GALNT13: variants seen among roughly 807,000 people sequenced by gnomAD.
The protein encoded by GALNT13 is polypeptide N-acetylgalactosaminyltransferase 13, also known as UDP-GalNAc:polypeptide N-acetylgalactosaminyltransferase 13.
Under a neutral mutation model 64.2 loss-of-function variants are expected in GALNT13, and 28 were observed. The observed-to-expected ratio is 0.44, with a 90% CI of 0.32 to 0.60. GALNT13 has a LOEUF of 0.60. Ranked by LOEUF, GALNT13 falls within the 20% of genes least tolerant of loss-of-function variation. GALNT13 has a pLI of 0.05. For missense variants in GALNT13, 577 were observed against 669.8 expected, an observed-to-expected ratio of 0.86 and a Z score of 1.53; for synonymous variants, 214 against 224.6, an observed-to-expected ratio of 0.95 and a Z score of 0.42.
At chr2:153,593,590 C>T in the GALNT13 span, among the ~76,000 whole-genome samples, 1 of 152,112 alleles carries the variant, frequency 6.6e-6, no homozygotes, top group Non-Finnish European at 1.5e-5. Flanking sequence ...CAAACTTGTT[C>T]ATTTGCCATC....
At chr2:153,138,768 A>G in the GALNT13 span, among the ~76,000 whole-genome samples, 1 of 152,096 alleles carries the variant, frequency 6.6e-6, no homozygotes, top group Non-Finnish European at 1.5e-5. Context: ...CCAAGCACAC[A>G]TTCACACAGC....
the GALNT13 span, among the ~76,000 whole-genome samples, chr2:153,321,362 C>A: frequency 6.6e-6 from 1 of 152,120 alleles, no homozygotes; most frequent in African/African-American, 2.4e-5. Flanking sequence ...GCCTTGACAG[C>A]TTAAGTTCTT....
chr2:153,520,574 A>C, the GALNT13 span, among the ~76,000 whole-genome samples: 1 of 152,170 alleles, frequency 6.6e-6, no homozygotes, highest in East Asian at 1.9e-4. Context: ...AGGAGAACTC[A>C]TCAGAGGTTC....
At chr2:153,318,333 G>A in the GALNT13 span, among the ~76,000 whole-genome samples, 132 of 152,250 alleles carry the variant, frequency 8.7e-4, no homozygotes, top group African/African-American at 3.1e-3. Flanking sequence ...CAATAAAGGT[G>A]TCCCATTCCT....
intron 4 of GALNT13, among the ~76,000 whole-genome samples, chr2:154,145,305 TG>T (rs1403305143): frequency 6.6e-6 from 1 of 151,784 alleles, no homozygotes; most frequent in African/African-American, 2.4e-5. Context: ...TATTAACTAA[TG>T]GCTCAGCATT....
At chr2:153,210,315 A>G in the GALNT13 span, among the ~76,000 whole-genome samples, 1 of 152,176 alleles carries the variant, frequency 6.6e-6, no homozygotes, top group Non-Finnish European at 1.5e-5. Flanking sequence ...AGTAGAGGAA[A>G]TTCCTTTTAG....
chr2:154,014,542 G>T (rs1696864697), intron 3 of GALNT13, among the ~76,000 whole-genome samples: 2 of 149,964 alleles, frequency 1.3e-5, no homozygotes, highest in South Asian at 2.1e-4. Flanking sequence ...CCAGTGCCTG[G>T]CTGTGTCAGG....
chr2:153,622,174 G>A, the GALNT13 span, among the ~76,000 whole-genome samples: 1 of 152,000 alleles, frequency 6.6e-6, no homozygotes, highest in Admixed American at 6.6e-5. Context: ...TGGCATGTTA[G>A]CTATAAATAA....
At chr2:153,756,599 A>G in the GALNT13 span, among the ~76,000 whole-genome samples, 1 of 152,080 alleles carries the variant, frequency 6.6e-6, no homozygotes, top group East Asian at 1.9e-4. Context: ...ACCTTATTTT[A>G]TTTCTACTCA....
chr2:153,966,860 A>T (rs1204433373), intron 3 of GALNT13, among the ~76,000 whole-genome samples: 2 of 151,486 alleles, frequency 1.3e-5, no homozygotes, highest in African/African-American at 2.4e-5. Context: ...TAATAAAATA[A>T]CTCTTAGATT....
chr2:153,516,780 T>A, the GALNT13 span, among the ~76,000 whole-genome samples: 2 of 152,114 alleles, frequency 1.3e-5, no homozygotes, highest in Non-Finnish European at 2.9e-5. Context: ...ATTCCATTTT[T>A]AAAAACTCAG....
At chr2:154,157,204 C>T (rs1573771652) in intron 4 of GALNT13, among the ~76,000 whole-genome samples, 2 of 152,124 alleles carry the variant, frequency 1.3e-5, no homozygotes, top group East Asian at 3.9e-4. Flanking sequence ...CCCCTAGTCT[C>T]ACCATGGCAT....
At chr2:153,736,916 C>T in the GALNT13 span, among the ~76,000 whole-genome samples, 1 of 152,208 alleles carries the variant, frequency 6.6e-6, no homozygotes, top group Non-Finnish European at 1.5e-5. Context: ...TGCAGTTTCT[C>T]TTTTCCATCA....
chr2:154,103,071 T>C (rs1413763840), intron 3 of GALNT13, among the ~76,000 whole-genome samples: 1 of 151,430 alleles, frequency 6.6e-6, no homozygotes, highest in Non-Finnish European at 1.5e-5. Context: ...AGATCAAGTA[T>C]TTTTTTTTCA....
intron 4 of GALNT13, among the ~76,000 whole-genome samples, chr2:154,208,620 G>GTGCC (rs1687595414): frequency 1.9e-5 from 2 of 104,994 alleles, no homozygotes; most frequent in Admixed American, 2.4e-4. Context: ...CACGTTTTGC[G>GTGCC]TGTCTGTGTG....
chr2:154,081,877 T>G (rs1372055118), intron 3 of GALNT13, among the ~76,000 whole-genome samples: 1 of 151,732 alleles, frequency 6.6e-6, no homozygotes, highest in Non-Finnish European at 1.5e-5. Context: ...AGCCTTGGGT[T>G]TTCATAGTCT....
the GALNT13 span, among the ~76,000 whole-genome samples, chr2:153,445,494 C>T: frequency 6.6e-6 from 1 of 152,230 alleles, no homozygotes; most frequent in African/African-American, 2.4e-5. Context: ...CCTCCTGCCT[C>T]AGCCTCCAGG....
At chr2:154,341,760 A>G (rs1309432077) in intron 9 of GALNT13, among the ~76,000 whole-genome samples, 1 of 152,096 alleles carries the variant, frequency 6.6e-6, no homozygotes, top group Non-Finnish European at 1.5e-5. Context: ...GTTGTAAGAA[A>G]TCACTCTGAA....
the GALNT13 span, among the ~76,000 whole-genome samples, chr2:153,260,318 T>C: frequency 2.6e-5 from 4 of 152,222 alleles, no homozygotes; most frequent in Non-Finnish European, 5.9e-5. Flanking sequence ...TGATTTCTTA[T>C]TGCTCATTAA....
Sources: allele counts gnomAD v4.1 joint callset (sites outside exome capture counted in the v4.1 genomes callset), GRCh38; gene constraint gnomAD v4.1.1; transcripts MANE v1.5; gene names NCBI Gene and HGNC (gene_info 2026-07-23, HGNC 2026-07-21).